Variants in ALG1 observed in about 807,000 individuals in gnomAD.
ALG1 encodes the protein chitobiosyldiphosphodolichol beta-mannosyltransferase.
ALG1 carries 58 observed loss-of-function variants against 55.1 expected under a neutral mutation model. That is an observed-to-expected ratio of 1.05 (90% CI 0.85 to 1.31). The LOEUF is 1.31. ALG1 is among the 50% of genes most tolerant of loss of function. The pLI, the probability that ALG1 is intolerant of heterozygous loss-of-function variation, is 0.00. For synonymous variants in ALG1, 309 were observed against 247.0 expected, an observed-to-expected ratio of 1.25 and a Z score of -2.35; for missense variants, 761 against 598.6, an observed-to-expected ratio of 1.27 and a Z score of -2.83.
chr16:5,072,140 A>C (rs1305035950), intron 1 of ALG1, 83 bp downstream of exon 1: 1 of 1,547,524 alleles, frequency 6.5e-7, no homozygotes, highest in Admixed American at 2.0e-5. Context: ...GTCGAGGCGG[A>C]AGTGCTCCTT....
At chr16:5,075,881 A>G (rs1355408823) in intron 4 of ALG1, among the ~76,000 whole-genome samples, 2 of 152,202 alleles carry the variant, frequency 1.3e-5, no homozygotes, top group African/African-American at 4.8e-5. Flanking sequence ...TGGGGAGGGC[A>G]GCCCTTTCTG....
chr16:5,072,971 C>T lies in ALG1; in HGVS notation c.229C>T (p.Leu77Phe). 6.2e-7 allele frequency: 1 copy of T among 1,614,216 alleles called. No homozygotes were observed. Among genetic ancestry groups the T allele is most frequent in the East Asian group, 2.2e-5 (1 of 44,888 alleles). ...GFCNSKPHDELLQNNRIQIVG... is the reference protein window; with the variant it reads ...GFCNSKPHDEFLQNNRIQIVG... Reference sequence around the variant, plus strand: ...TTCAGACTCCAAACCCCATGATGAGCTCTTGCAGAACAACAGAATTCAGAT... The same window carrying T: ...TTCAGACTCCAAACCCCATGATGAGTTCTTGCAGAACAACAGAATTCAGAT... Residue 77 changes from leucine to phenylalanine, a missense_variant, in exon 2 of 13, where the codon CTC becomes TTC. Leu to Phe is a conservative substitution (Grantham distance 22, BLOSUM62 0). Transcript: ENST00000262374.
chr16:5,081,601 C>T (rs1214337472), intron 10 of ALG1, among the ~76,000 whole-genome samples: 2 of 152,198 alleles, frequency 1.3e-5, no homozygotes, highest in African/African-American at 2.4e-5. Context: ...AGTCTCGCTC[C>T]GTTGCCTAGG....
intron 8 of ALG1, 54 bp downstream of exon 8, chr16:5,079,156 G>T: frequency 1.9e-6 from 3 of 1,586,192 alleles, no homozygotes; most frequent in Non-Finnish European, 2.6e-6. Flanking sequence ...CCACTGAGCT[G>T]TAAGCTGCTT....
chr16:5,082,235 C>A (rs1167211911), intron 10 of ALG1, among the ~76,000 whole-genome samples: 1 of 152,128 alleles, frequency 6.6e-6, no homozygotes, highest in African/African-American at 2.4e-5. Flanking sequence ...AGGAGGTGAA[C>A]CTGGGAGGTG....
intron 10 of ALG1, among the ~76,000 whole-genome samples, chr16:5,081,840 G>A (rs1357778461): frequency 6.6e-6 from 1 of 151,936 alleles, no homozygotes; most frequent in Non-Finnish European, 1.5e-5. Flanking sequence ...TGGATTCCAG[G>A]TGTGACCCAT....
At chr16:5,072,829 G>C (rs890203407) in intron 1 of ALG1, 122 bp from the exon 2 acceptor site, 36 of 943,170 alleles carry the variant, frequency 3.8e-5, no homozygotes, top group Non-Finnish European at 5.8e-5. Flanking sequence ...GTGAGGAGCA[G>C]AGAGAGGTTT....
At chr16:5,072,135 G>A in intron 1 of ALG1, 78 bp downstream of exon 1, 1 of 1,548,200 alleles carries the variant, frequency 6.5e-7, no homozygotes. Flanking sequence ...GGGGAGTCGA[G>A]GCGGAAGTGC....
At position 5,079,815 on chromosome 16, in the gene ALG1, C is replaced by G. The variant is rs371353008; in HGVS notation, c.961+8C>G. The G allele has an allele frequency of 3.3e-5, 53 of 1,611,558 alleles. 1 individual carries two copies. In the African/African-American group the frequency reaches 5.6e-4, roughly 17 times the overall value. ...TCGTCTGTGTGATAACAGGTACTGC[C>G]TGGGACCCTGGGTGTCTGTTTGGTT... is the stretch of plus-strand genomic sequence containing the variant. On this transcript the variant is annotated splice_region_variant and intron_variant, in intron 9 of 12. Coordinates refer to ENST00000262374, the MANE Select transcript of ALG1 (RefSeq NM_019109.5).
rs764673574 is a variant in ALG1 at position 5,072,910 on chromosome 16, G to A, written c.209-41G>A. The A allele has an allele frequency of 3.2e-6, 5 of 1,564,454 alleles. No homozygotes were observed. The East Asian group carries it at 1.1e-4, about 35-fold the overall frequency. On this transcript the variant is annotated intron_variant, in intron 1 of 12. Coordinates refer to ENST00000262374, the MANE Select transcript of ALG1 (RefSeq NM_019109.5). The stretch of plus-strand genomic sequence containing the variant: ...TTGGGAGATTATCTGACTTTAGATT[G>A]CTGCTTCTGGTACATTAAAGGGATC...
chr16:5,081,175 A>T, intron 10 of ALG1, 119 bp downstream of exon 10: 2 of 1,233,102 alleles, frequency 1.6e-6, no homozygotes, highest in Admixed American at 4.4e-5. Flanking sequence ...CTCTGGCTGA[A>T]CTCCCAGGAG....
chr16:5,080,256 G>T (rs1313572358), intron 9 of ALG1, among the ~76,000 whole-genome samples: 1 of 151,900 alleles, frequency 6.6e-6, no homozygotes, highest in Admixed American at 6.6e-5. Flanking sequence ...GTAGAGACAG[G>T]GTTTCACCAT....
intron 5 of ALG1, 142 bp downstream of exon 5, chr16:5,077,676 G>T: frequency 9.4e-7 from 1 of 1,061,958 alleles, no homozygotes. Flanking sequence ...TTGGTTTGGG[G>T]AAGCTGGGGG....
At chr16:5,074,983 A>C (rs1414237238) in intron 3 of ALG1, among the ~76,000 whole-genome samples, 1 of 152,194 alleles carries the variant, frequency 6.6e-6, no homozygotes, top group African/African-American at 2.4e-5. Flanking sequence ...GCTTAACTGC[A>C]GCCTCATCCT....
chr16:5,084,066 G>A (rs958117779), intron 12 of ALG1, among the ~76,000 whole-genome samples: 1 of 152,180 alleles, frequency 6.6e-6, no homozygotes, highest in African/African-American at 2.4e-5. Flanking sequence ...GTAGGTGGGC[G>A]GGCAAAGGGA....
At position 5,084,250 on chromosome 16, in the gene ALG1, C is replaced by G. The variant is rs529247035; in HGVS notation, c.1263+493C>G. 8.5e-4 allele frequency: 256 copies of G among 300,492 alleles called. 1 individual carries two copies. The highest frequency in any genetic ancestry group is 4.6e-3 in the African/African-American group (216 of 46,670). The allele number at this position is 300,492 out of a possible 1,614,324, so 18.6% of individuals were successfully genotyped here. ...CCCAGTCTCTGTCAGAACCATGGTA[C>G]TCTGTTGGGGTGTGAAAGTAGCCAC... On this transcript the variant is annotated intron_variant, in intron 12 of 12. Transcript: ENST00000262374.
At position 5,075,412 on chromosome 16, in the gene ALG1, G is replaced by T. The variant is rs1485131873; in HGVS notation, c.415G>T (p.Ala139Ser). The change falls in exon 4 of 13, where the codon GCT (alanine) becomes TCT (serine). Residue 139 changes from alanine to serine, a missense_variant. Ala to Ser is a moderately conservative substitution (Grantham distance 99). Coordinates refer to ENST00000262374, the MANE Select transcript of ALG1 (RefSeq NM_019109.5). ...LQNPPGLPSI[A>S]VCWFVGCLCG... ...GAACCCCCCAGGTCTGCCTAGCATT[G>T]CTGTCTGCTGGTTCGTGGGCTGCCT... 18 of 1,614,034 alleles carry T rather than the reference G, an allele frequency of 1.1e-5. No homozygotes were observed. The highest frequency in any genetic ancestry group is 1.3e-5 in the African/African-American group (1 of 74,906).
rs963997455 is a variant in ALG1, at chr16:5,081,189, G to A, written c.1072+133G>A. On this transcript the variant is annotated intron_variant, in intron 10 of 12. Coordinates refer to ENST00000262374, the MANE Select transcript of ALG1 (RefSeq NM_019109.5). ...GCTCTGGCTGAACTCCCAGGAGGAG[G>A]CTACTTCCTGGTGTGCCAGCCCCTC... 4.3e-6 allele frequency: 5 copies of A among 1,150,750 alleles called. No individual in the cohort carries two copies. The African/African-American group carries it at 4.6e-5, about 11-fold the overall frequency. 71.3% of individuals were successfully genotyped at this position (1,150,750 alleles called of 1,614,324 possible). A position where few individuals can be genotyped will look rare whatever the true frequency, so the allele number is the denominator to read the frequency against.
intron 12 of ALG1, 184 bp from the exon 13 acceptor site, chr16:5,084,565 GA>G (rs1025987451): frequency 2.0e-6 from 2 of 977,768 alleles, no homozygotes; most frequent in African/African-American, 3.2e-5. Context: ...GAAGTTTCCA[GA>G]AACTGTGATG....
Sources: allele counts gnomAD v4.1 joint callset (sites outside exome capture counted in the v4.1 genomes callset), GRCh38; gene constraint gnomAD v4.1.1; transcripts MANE v1.5; gene names NCBI Gene and HGNC (gene_info 2026-07-23, HGNC 2026-07-21).